Variants in GREB1 observed in about 807,000 individuals in gnomAD.
GREB1 encodes protein GREB1.
A neutral mutation model predicts 200.7 loss-of-function variants in GREB1; 106 were observed. The observed-to-expected ratio is 0.53, with a 90% confidence interval of 0.45 to 0.62. The LOEUF (loss-of-function observed/expected upper bound fraction) is 0.62. Ranked by LOEUF, GREB1 falls within the 20% of genes least tolerant of loss-of-function variation. The pLI is 0.00. For missense variants in GREB1, 2,243 were observed against 2,556.8 expected (o/e 0.88, Z 2.65); for synonymous variants, 1,132 against 1,092.4 (o/e 1.04, Z -0.72).
At chr2:11,570,900 G>T (rs955342326) in intron 4 of GREB1, among the ~76,000 whole-genome samples, 1 of 152,002 alleles carries the variant, frequency 6.6e-6, no homozygotes, top group Non-Finnish European at 1.5e-5. Flanking sequence ...TTCATCTTCC[G>T]CGGGAACACC....
chr2:11,574,431 G>A (rs76415088), intron 4 of GREB1, among the ~76,000 whole-genome samples: 2,165 of 152,312 alleles, frequency 0.014, 37 homozygotes, highest in African/African-American at 0.04. Flanking sequence ...AGGATGTTGA[G>A]TGAGGGCTGG....
intron 32 of GREB1, among the ~76,000 whole-genome samples, 192 bp downstream of exon 32, chr2:11,639,001 C>T (rs1446532294): frequency 2.0e-5 from 3 of 152,190 alleles, no homozygotes; most frequent in African/African-American, 7.2e-5. Context: ...GCTCTCTTTC[C>T]CCTATACCTG....
intron 23 of GREB1, 124 bp downstream of exon 23, chr2:11,621,131 G>A: frequency 1.5e-6 from 1 of 673,826 alleles, no homozygotes. Context: ...TCATCCCAAG[G>A]ACCTTGTAGG....
At chr2:11,634,948 G>A (rs548122151) in intron 29 of GREB1, among the ~76,000 whole-genome samples, 1 of 152,312 alleles carries the variant, frequency 6.6e-6, no homozygotes, top group South Asian at 2.1e-4. Context: ...CTTTTTCACC[G>A]ATGCGTGAGG....
At chr2:11,582,590 C>G (rs1478568997) in intron 7 of GREB1, among the ~76,000 whole-genome samples, 2 of 152,226 alleles carry the variant, frequency 1.3e-5, no homozygotes, top group East Asian at 3.9e-4. Flanking sequence ...GTCCCAGGCT[C>G]AGTCCCGCAG....
At chr2:11,508,755 T>C (rs1415680647) in intron 1 of GREB1, among the ~76,000 whole-genome samples, 1 of 152,158 alleles carries the variant, frequency 6.6e-6, no homozygotes, top group African/African-American at 2.4e-5. Flanking sequence ...TTTCAAATCA[T>C]TGTTTGCCAG....
chr2:11,553,304 G>A (rs532092380), intron 1 of GREB1, among the ~76,000 whole-genome samples: 1 of 152,120 alleles, frequency 6.6e-6, no homozygotes, highest in South Asian at 2.1e-4. Flanking sequence ...TTCGAGACCA[G>A]CCTGGGCAAC....
At chr2:11,508,933 G>GGCGCGATCTCGGCTCACTGCAA in intron 1 of GREB1, among the ~76,000 whole-genome samples, 3 of 147,378 alleles carry the variant, frequency 2.0e-5, no homozygotes, top group Middle Eastern at 6.8e-3. Context: ...GGAGTGCAGT[G>GGCGCGATCTCGGCTCACTGCAA]GCGCGATCTC....
Position 11,588,082 on chromosome 2 carries a change from C to T in GREB1, c.1160-664C>T, listed in dbSNP as rs952377264. The T allele has an allele frequency of 2.2e-5, 11 of 499,150 alleles. No individual in the cohort carries two copies. In the East Asian group the frequency reaches 8.9e-4, roughly 41 times the overall value. The allele number at this position is 499,150 out of a possible 1,614,324, so 30.9% of individuals were successfully genotyped here. On this transcript the variant is annotated intron_variant, in intron 9 of 32. Coordinates refer to ENST00000381486, the MANE Select transcript of GREB1 (RefSeq NM_014668.4). The stretch of plus-strand genomic sequence containing the variant: ...CTCTACTAAAAATACAAAAATTGGC[C>T]GGGTGTGGTGGTGATGCGCACCTGT...
rs770621474 is a variant in GREB1, at chr2:11,592,968, A to G, written c.1538A>G (p.Asn513Ser). The G allele has an allele frequency of 1.3e-6, 2 of 1,599,226 alleles. No homozygotes were observed. The highest frequency in any genetic ancestry group is 1.7e-6 in the Non-Finnish European group (2 of 1,172,378). Residue 513 changes from asparagine (N) to serine (S), a missense_variant, in exon 11 of 33, where the codon AAC becomes AGC. By Grantham distance (46) the Asn-to-Ser change is conservative. Around this residue, in one of 3 missense-constraint regions of GREB1, gnomAD observed 1,178 missense variants for 1,387.4 expected, o/e 0.85. Coordinates refer to ENST00000381486, the MANE Select transcript of GREB1 (RefSeq NM_014668.4). ...WLASLAASSC[N>S]DSVHVIECAY... ...GCCAGCCTGGCCGCCAGCTCCTGCA[A>G]CGACAGCGTGCACGTCATCGAGTGT... is the stretch of plus-strand genomic sequence containing the variant.
At chr2:11,503,200 C>T (rs1673094394) in intron 1 of GREB1, among the ~76,000 whole-genome samples, 1 of 152,156 alleles carries the variant, frequency 6.6e-6, no homozygotes, top group African/African-American at 2.4e-5. Flanking sequence ...CCCCTTTTCT[C>T]CTCCCTCATC....
chr2:11,588,623 A>G, intron 9 of GREB1, 123 bp from the exon 10 acceptor site: 1 of 878,862 alleles, frequency 1.1e-6, no homozygotes, highest in Non-Finnish European at 1.9e-6. Context: ...AGGACAGGGC[A>G]CTCGAGGGAC....
chr2:11,610,731 G>C lies in GREB1; in HGVS notation c.2710G>C (p.Val904Leu). 6.2e-7 allele frequency: 1 copy of C among 1,613,422 alleles called. No individual in the cohort carries two copies. Residue 904 changes from valine to leucine, a missense_variant, in exon 18 of 33, where the codon GTG becomes CTG. Transcript: ENST00000381486. Reference sequence around the variant, plus strand: ...CGCGGTGATCAGGACCTTTGTTCTCGTGCAGCACTACGCGGCCGCCCTGAT... The same window carrying C: ...CGCGGTGATCAGGACCTTTGTTCTCCTGCAGCACTACGCGGCCGCCCTGAT... The part of the protein sequence containing the change: ...HSAVIRTFVL[V>L]QHYAAALMAV...
intron 1 of GREB1, among the ~76,000 whole-genome samples, chr2:11,524,977 C>T (rs1021693063): frequency 9.2e-5 from 14 of 152,270 alleles, no homozygotes; most frequent in African/African-American, 3.1e-4. Context: ...ATGTTTCTCT[C>T]TTCTGGTTTG....
intron 1 of GREB1, among the ~76,000 whole-genome samples, chr2:11,552,942 G>A (rs547887356): frequency 4.1e-4 from 61 of 149,008 alleles, no homozygotes; most frequent in Non-Finnish European, 7.1e-4. Context: ...CCCGGGAGGC[G>A]GAGCTTGCAG....
intron 15 of GREB1, 107 bp downstream of exon 15, chr2:11,598,967 T>G: frequency 1.0e-6 from 1 of 954,232 alleles, no homozygotes; most frequent in Admixed American, 1.9e-5. Flanking sequence ...ATGGATGATG[T>G]TTGGGCTTGG....
chr2:11,585,929 C>T lies in GREB1; in HGVS notation c.1159+24C>T, dbSNP rs184885827. ...AGGCAAGTACAGCAGTGCACCGAGTCGTGGGGATGGGAGAACCTAAAGGAA... is the reference window on the plus strand; with the variant it reads ...AGGCAAGTACAGCAGTGCACCGAGTTGTGGGGATGGGAGAACCTAAAGGAA... On this transcript the variant is annotated intron_variant, in intron 9 of 32. Coordinates refer to ENST00000381486, the MANE Select transcript of GREB1 (RefSeq NM_014668.4). 169 of 1,604,224 alleles carry T rather than the reference C, an allele frequency of 1.1e-4. No individual in the cohort carries two copies. In the East Asian group the frequency reaches 3.3e-3, roughly 31 times the overall value.
intron 1 of GREB1, among the ~76,000 whole-genome samples, chr2:11,546,341 T>C (rs1675278663): frequency 6.6e-6 from 1 of 152,164 alleles, no homozygotes; most frequent in South Asian, 2.1e-4. Flanking sequence ...AAATATTGGT[T>C]TTCTTATTCC....
rs1445092205 is a variant in GREB1, at chr2:11,629,597, A to G, written c.4450-351A>G. On this transcript the variant is annotated intron_variant, in intron 25 of 32. Coordinates refer to ENST00000381486, the MANE Select transcript of GREB1 (RefSeq NM_014668.4). This position sits in a 1 kb window ranked among gnomAD's most constrained non-coding sequence, Gnocchi z 5.2. Reference sequence around the variant, plus strand: ...AGAAATACATTTATTAGAATTAAAAATGAGCTCTGTAGCATGAATGCTTGA... The same window carrying G: ...AGAAATACATTTATTAGAATTAAAAGTGAGCTCTGTAGCATGAATGCTTGA... Among the ~76,000 whole-genome samples the G allele has an allele frequency of 6.6e-6, 1 of 152,254 alleles. No individual in the cohort carries two copies. Among genetic ancestry groups the G allele is most frequent in the African/African-American group, 2.4e-5 (1 of 41,462 alleles).
Sources: allele counts gnomAD v4.1 joint callset (sites outside exome capture counted in the v4.1 genomes callset), GRCh38; gene constraint gnomAD v4.1.1; regional missense constraint gnomAD v4.1.1; non-coding constraint Gnocchi (gnomAD v3.1); transcripts MANE v1.5; gene names NCBI Gene and HGNC (gene_info 2026-07-23, HGNC 2026-07-21).